Variants in MANBA observed in about 807,000 individuals in gnomAD.
MANBA encodes the protein beta-mannosidase.
Under a neutral mutation model 111.1 loss-of-function variants are expected in MANBA, and 83 were observed. That is an observed-to-expected ratio of 0.75 (90% CI 0.63 to 0.90). MANBA has a LOEUF of 0.90. MANBA is among the 40% of genes least tolerant of loss of function. MANBA has a pLI of 0.00. For missense variants in MANBA, 1,036 were observed against 1,069.0 expected (o/e 0.97, Z 0.43); for synonymous variants, 370 against 378.7 (o/e 0.98, Z 0.27).
At chr4:102,723,826 T>G in intron 3 of MANBA, 36 bp downstream of exon 3, 1 of 1,213,902 alleles carries the variant, frequency 8.2e-7, no homozygotes, top group Non-Finnish European at 1.2e-6. Context: ...TAAACACACA[T>G]AAATTTTTTT....
At chr4:102,695,402 C>T (rs1017616876) in intron 5 of MANBA, among the ~76,000 whole-genome samples, 18 of 152,108 alleles carry the variant, frequency 1.2e-4, no homozygotes, top group Non-Finnish European at 2.5e-4. Context: ...AAGACATACT[C>T]CCAAACTATA....
intron 16 of MANBA, among the ~76,000 whole-genome samples, chr4:102,634,341 A>G (rs1021454881): frequency 5.9e-5 from 9 of 152,234 alleles, no homozygotes; most frequent in Non-Finnish European, 7.3e-5. Context: ...CTGGGCTCCA[A>G]TGCTTCCCAG....
At chr4:102,637,792 G>C (rs919044574) in intron 14 of MANBA, among the ~76,000 whole-genome samples, 15 of 152,194 alleles carry the variant, frequency 9.9e-5, no homozygotes, top group African/African-American at 3.6e-4. Context: ...TAATACAGCA[G>C]TTAGAATGTT....
intron 1 of MANBA, among the ~76,000 whole-genome samples, chr4:102,734,942 C>T (rs902978121): frequency 1.3e-5 from 2 of 152,202 alleles, no homozygotes; most frequent in African/African-American, 4.8e-5. Context: ...CTTGAGTCAC[C>T]CCCTCCTTGT....
rs1186940857 is a variant in MANBA, at chr4:102,642,407, A to G, written c.1870-2550T>C. On this transcript the variant is annotated intron_variant, in intron 13 of 16. Coordinates refer to ENST00000647097, the MANE Select transcript of MANBA (RefSeq NM_005908.4). ...TGAATCACGAGGTCAGGAGATGGAG[A>G]TCATCCTGGCTAACACGGTGAAACC... 2.0e-5 allele frequency among the ~76,000 whole-genome samples: 3 copies of G among 152,278 alleles called. No homozygotes were observed. The East Asian group carries it at 5.8e-4, about 29-fold the overall frequency.
intron 1 of MANBA, among the ~76,000 whole-genome samples, chr4:102,740,877 T>G (rs957548940): frequency 5.9e-5 from 9 of 151,868 alleles, no homozygotes; most frequent in African/African-American, 2.2e-4. Flanking sequence ...AAAACTCTTC[T>G]AGACATTGGT....
chr4:102,671,125 T>C, intron 9 of MANBA, 156 bp downstream of exon 9: 1 of 629,248 alleles, frequency 1.6e-6, no homozygotes. Flanking sequence ...TGATCACCTA[T>C]GGCTCTTGGT....
At chr4:102,741,907 A>G (rs1723417447) in intron 1 of MANBA, among the ~76,000 whole-genome samples, 1 of 152,162 alleles carries the variant, frequency 6.6e-6, no homozygotes, top group South Asian at 2.1e-4. Flanking sequence ...TCAGGAGGTC[A>G]TGGTTTTTTT....
At chr4:102,723,393 T>C (rs1722663513) in intron 3 of MANBA, among the ~76,000 whole-genome samples, 1 of 152,216 alleles carries the variant, frequency 6.6e-6, no homozygotes, top group African/African-American at 2.4e-5. Flanking sequence ...AAGGGTTTCC[T>C]AGACACTTCA....
chr4:102,739,334 T>C (rs1723323377), intron 1 of MANBA, among the ~76,000 whole-genome samples: 1 of 152,010 alleles, frequency 6.6e-6, no homozygotes, highest in African/African-American at 2.4e-5. Flanking sequence ...CAAAAAAAAG[T>C]CCAGGACCAG....
rs148402714 is a variant in MANBA at position 102,635,943 on chromosome 4, T to C, written c.2079A>G (p.Pro693=). 11 of 1,612,142 alleles carry C rather than the reference T, an allele frequency of 6.8e-6. No homozygotes were observed. The highest frequency in any genetic ancestry group is 9.3e-6 in the Non-Finnish European group (11 of 1,178,282). The change falls in exon 15 of 17, where the codon CCA becomes CCG. Residue 693 remains proline, a synonymous_variant. Transcript: ENST00000647097. ...ACGTGTTTTCATTCTCAAAGCCTAC[T>C]GGCAACAGTGGAGCAAAGAAATTCT... ...FAQNFFAPLL[P]VGFENENTFY...
intron 12 of MANBA, among the ~76,000 whole-genome samples, chr4:102,657,152 G>C (rs1405067353): frequency 7.1e-6 from 1 of 140,690 alleles, no homozygotes. Flanking sequence ...TAGGAACAGA[G>C]AGAGTGAAAA....
intron 12 of MANBA, among the ~76,000 whole-genome samples, chr4:102,655,656 T>C (rs1430360595): frequency 6.6e-6 from 1 of 152,150 alleles, no homozygotes; most frequent in Non-Finnish European, 1.5e-5. Context: ...TAACCCAAAA[T>C]GATCATAGAC....
intron 7 of MANBA, among the ~76,000 whole-genome samples, chr4:102,678,149 C>T (rs889149474): frequency 6.6e-6 from 1 of 152,116 alleles, no homozygotes; most frequent in African/African-American, 2.4e-5. Context: ...GAATATTTTT[C>T]CTTTCTGTGC....
intron 3 of MANBA, 45 bp from the exon 4 acceptor site, chr4:102,723,086 G>A: frequency 6.4e-7 from 1 of 1,556,732 alleles, no homozygotes; most frequent in Non-Finnish European, 8.8e-7. Context: ...TGTGGAAGTA[G>A]TCTTGTGTGT....
Position 102,707,934 on chromosome 4 carries a change from T to C in MANBA, c.673+6504A>G, listed in dbSNP as rs554476459. Among the ~76,000 whole-genome samples the C allele has an allele frequency of 7.9e-5, 12 of 152,288 alleles. No individual in the cohort carries two copies. In the South Asian group the frequency reaches 2.1e-3, roughly 26 times the overall value. ...GACAAAAAAGGTCACTATATCATGATAAAATGATCAAATCCACAAGAGAAT... is the reference window on the plus strand; with the variant it reads ...GACAAAAAAGGTCACTATATCATGACAAAATGATCAAATCCACAAGAGAAT... On this transcript the variant is annotated intron_variant, in intron 5 of 16. Coordinates refer to ENST00000647097, the MANE Select transcript of MANBA (RefSeq NM_005908.4).
chr4:102,670,154 C>CA (rs70937560), intron 9 of MANBA, among the ~76,000 whole-genome samples: 1,306 of 107,562 alleles, frequency 0.012, 28 homozygotes, highest in African/African-American at 0.033. Context: ...GACTCCATAT[C>CA]AAAAAAAAAA....
chr4:102,642,403 G>A lies in MANBA; in HGVS notation c.1870-2546C>T, dbSNP rs562785114. 2.6e-5 allele frequency among the ~76,000 whole-genome samples: 4 copies of A among 152,186 alleles called. No individual in the cohort carries two copies. In the East Asian group the frequency reaches 5.8e-4, roughly 22 times the overall value. ...TGGGTGAATCACGAGGTCAGGAGAT[G>A]GAGATCATCCTGGCTAACACGGTGA... On this transcript the variant is annotated intron_variant, in intron 13 of 16. Coordinates refer to ENST00000647097, the MANE Select transcript of MANBA (RefSeq NM_005908.4).
Position 102,674,012 on chromosome 4 carries a change from CT to C in MANBA, c.1018del (p.Ser340ValfsTer13). 2 of 1,606,744 alleles carry C rather than the reference CT, an allele frequency of 1.2e-6. No individual in the cohort carries two copies. Among genetic ancestry groups the C allele is most frequent in the Non-Finnish European group, 1.7e-6 (2 of 1,173,312 alleles). ...AAATCCATTAATTTTGAAATAGAAA[CT>C]CAAACCAGGAGACCCTTTTATAGGC... ...EEPIKGSPGL[S>X]FYFKINGFPI... On this transcript the variant is annotated frameshift_variant, in exon 8 of 17. Coordinates refer to ENST00000647097, the MANE Select transcript of MANBA (RefSeq NM_005908.4). LOFTEE classifies it high-confidence loss of function.
Sources: gnomAD v4.1 joint callset for allele counts (sites outside exome capture counted in the v4.1 genomes callset) on GRCh38, gnomAD v4.1.1 for gene constraint, MANE v1.5 for transcripts, NCBI Gene and HGNC (gene_info 2026-07-23, HGNC 2026-07-21) for gene names.